Variants in CCDC144A observed in about 807,000 individuals in gnomAD.
The protein encoded by CCDC144A is coiled-coil domain-containing protein 144A.
A neutral mutation model predicts 143.8 loss-of-function variants in CCDC144A; 41 were observed. The observed-to-expected ratio is 0.29, with a 90% CI of 0.22 to 0.37. CCDC144A has a LOEUF of 0.37. Among genes scored for constraint, CCDC144A ranks in the 10% least tolerant of loss-of-function variants. The pLI, the probability that CCDC144A is intolerant of heterozygous loss-of-function variation, is 1.00. For synonymous variants in CCDC144A, 242 were observed against 517.9 expected, an observed-to-expected ratio of 0.47 and a Z score of 7.23; for missense variants, 637 against 1,488.8, an observed-to-expected ratio of 0.43 and a Z score of 9.41.
intron 2 of CCDC144A, among the ~76,000 whole-genome samples, chr17:16,696,779 G>C (rs544709730): frequency 6.6e-6 from 1 of 152,138 alleles, no homozygotes; most frequent in East Asian, 1.9e-4. Flanking sequence ...GTAGGGACCA[G>C]AGTTGTTTTG....
intron 12 of CCDC144A, chr17:16,746,533 C>A (rs2143296982): frequency 1.9e-6 from 3 of 1,613,782 alleles, no homozygotes; most frequent in South Asian, 1.1e-5. Context: ...CTAAAAACTT[C>A]TTATATTCTG....
In CCDC144A at chr17:16,707,523, G is replaced by T. The variant is rs376419771; in HGVS notation, c.719G>T (p.Cys240Phe). The change falls in exon 4 of 17, where the codon TGC becomes TTC. Residue 240 changes from cysteine (C) to phenylalanine (F), a missense_variant. Coordinates refer to ENST00000399273, the MANE Select transcript of CCDC144A (RefSeq NM_001382000.1). ...SEEEQERLKG[C>F]ENKQPQKTSQ... ...GAAGAGCAAGAAAGACTTAAAGGATGCGAAAATAAGCAGCCACAGGTGTGG... is the reference window on the plus strand; with the variant it reads ...GAAGAGCAAGAAAGACTTAAAGGATTCGAAAATAAGCAGCCACAGGTGTGG... The T allele has an allele frequency of 2.1e-5, 33 of 1,602,100 alleles. No homozygotes were observed. In the African/African-American group the frequency reaches 3.5e-4, roughly 17 times the overall value.
chr17:16,738,992 G>A (rs1033544540), intron 12 of CCDC144A, among the ~76,000 whole-genome samples: 1 of 142,308 alleles, frequency 7.0e-6, no homozygotes, highest in Admixed American at 6.9e-5. Flanking sequence ...CAACCTAGAG[G>A]TATGAAGTGG....
At chr17:16,769,147 GCTGCTTA>G (rs1280605232) in intron 15 of CCDC144A, among the ~76,000 whole-genome samples, 2 of 152,064 alleles carry the variant, frequency 1.3e-5, no homozygotes, top group Non-Finnish European at 2.9e-5. Flanking sequence ...GCAGGTGCAT[GCTGCTTA>G]CTGCAGAGAT....
intron 12 of CCDC144A, among the ~76,000 whole-genome samples, chr17:16,743,359 G>A (rs1914344304): frequency 6.6e-6 from 1 of 151,818 alleles, no homozygotes; most frequent in South Asian, 2.1e-4. Context: ...TTTCCCCAAT[G>A]TATGTTTTTG....
At chr17:16,714,825 C>G (rs866066919) in intron 6 of CCDC144A, among the ~76,000 whole-genome samples, 10 of 151,846 alleles carry the variant, frequency 6.6e-5, no homozygotes, top group Non-Finnish European at 8.8e-5. Context: ...TGTTCTCTCT[C>G]TCACTTAAAC....
rs184573179 is a variant in CCDC144A at position 16,712,084 on chromosome 17, C to T, written c.1715+269C>T. 9.8e-4 allele frequency: 384 copies of T among 393,034 alleles called. 4 individuals are homozygous for T. The highest frequency in any genetic ancestry group is 7.4e-3 in the African/African-American group (360 of 48,630). 24.3% of individuals were successfully genotyped at this position (393,034 alleles called of 1,614,324 possible). A position where few individuals can be genotyped will look rare whatever the true frequency, so the allele number is the denominator to read the frequency against. On this transcript the variant is annotated intron_variant, in intron 6 of 16. Transcript: ENST00000399273. ...GGCGGGGGTTGTGGTGAGCTGTGAT[C>T]ATGCCATTGCACTCGAGCCTGGGCA...
intron 2 of CCDC144A, among the ~76,000 whole-genome samples, chr17:16,700,101 T>G (rs938449204): frequency 1.1e-4 from 16 of 152,108 alleles, no homozygotes; most frequent in African/African-American, 3.9e-4. Flanking sequence ...ACTCAGCAGA[T>G]AGTCATACTT....
At chr17:16,725,243 C>T (rs1913348987) in intron 8 of CCDC144A, among the ~76,000 whole-genome samples, 1 of 151,534 alleles carries the variant, frequency 6.6e-6, no homozygotes, top group South Asian at 2.1e-4. Flanking sequence ...AGGCCAGTTC[C>T]ATTTATAATG....
At chr17:16,671,418 C>G in the CCDC144A span, among the ~76,000 whole-genome samples, 2 of 152,058 alleles carry the variant, frequency 1.3e-5, no homozygotes, top group Non-Finnish European at 2.9e-5. Context: ...TCTGTAAGTT[C>G]TGTGTCCTGC....
At chr17:16,737,677 T>C in intron 12 of CCDC144A, 1 of 1,287,334 alleles carries the variant, frequency 7.8e-7, no homozygotes. Flanking sequence ...AGAAGTGAAG[T>C]ATGTATGAAA....
chr17:16,687,161 A>G, upstream of CCDC144A, among the ~76,000 whole-genome samples: 1 of 152,168 alleles, frequency 6.6e-6, no homozygotes, highest in Non-Finnish European at 1.5e-5. Context: ...ATCTTCCCTC[A>G]GTCAGTATGT....
chr17:16,685,937 A>AT (rs35158544), upstream of CCDC144A, among the ~76,000 whole-genome samples: 8,030 of 124,114 alleles, frequency 0.065, 256 homozygotes, highest in African/African-American at 0.095. Flanking sequence ...ACATCTGGCT[A>AT]TTTTTTTTTT....
intron 15 of CCDC144A, 145 bp from the exon 16 acceptor site, chr17:16,771,832 T>G: frequency 1.6e-6 from 1 of 644,974 alleles, no homozygotes; most frequent in Non-Finnish European, 2.6e-6. Flanking sequence ...AGGTAGGAAT[T>G]TATATGATAT....
In CCDC144A at chr17:16,709,456, A is replaced by G. The variant is rs192192037; in HGVS notation, c.1399A>G (p.Lys467Glu). The change falls in exon 5 of 17, where the codon AAA (lysine) becomes GAA (glutamate). Residue 467 changes from lysine to glutamate, a missense_variant. Physicochemically the swap from Lys to Glu is moderately conservative, Grantham distance 56. Transcript: ENST00000399273. ...TGACAGTGGCAGTACAAACAACTAT[A>G]AAAGCCTGAAACCTAAATTAGAAAA... ...NSDSGSTNNY[K>E]SLKPKLENLS... The G allele has an allele frequency of 3.8e-5, 61 of 1,611,664 alleles. No homozygotes were observed. The African/African-American group carries it at 6.8e-4, about 18-fold the overall frequency.
the CCDC144A span, among the ~76,000 whole-genome samples, chr17:16,669,367 T>C: frequency 6.6e-6 from 1 of 152,248 alleles, no homozygotes; most frequent in Admixed American, 6.5e-5. Context: ...GGCATTCAAC[T>C]GTTTAATTAC....
intron 11 of CCDC144A, among the ~76,000 whole-genome samples, chr17:16,733,419 C>A (rs1296647707): frequency 6.7e-6 from 1 of 148,644 alleles, no homozygotes; most frequent in African/African-American, 2.5e-5. Flanking sequence ...AGGAGAATGG[C>A]GTGAACCCTG....
At chr17:16,668,833 A>G in the CCDC144A span, among the ~76,000 whole-genome samples, 2 of 152,328 alleles carry the variant, frequency 1.3e-5, no homozygotes, top group Non-Finnish European at 2.9e-5. Flanking sequence ...TGGTTCTTGA[A>G]CAGGCTTTCT....
chr17:16,741,479 G>A (rs1409562907), intron 12 of CCDC144A, among the ~76,000 whole-genome samples: 2 of 152,290 alleles, frequency 1.3e-5, no homozygotes, highest in Non-Finnish European at 2.9e-5. Context: ...AGCAGTCTGC[G>A]GTAGAGAGCC....
Sources: allele counts gnomAD v4.1 joint callset (sites outside exome capture counted in the v4.1 genomes callset), GRCh38; gene constraint gnomAD v4.1.1; transcripts MANE v1.5; gene names NCBI Gene and HGNC (gene_info 2026-07-23, HGNC 2026-07-21).